The following MINK1 variants were observed in gnomAD, a reference collection of about 807,000 sequenced individuals.
MINK1 encodes the protein misshapen-like kinase 1.
Under a neutral mutation model 178.4 loss-of-function variants are expected in MINK1, and 46 were observed. That is an observed-to-expected ratio of 0.26 (90% CI 0.20 to 0.33). The LOEUF (loss-of-function observed/expected upper bound fraction) is 0.33, where lower values mean the gene tolerates loss of function less well. Ranked by LOEUF, MINK1 falls within the 10% of genes least tolerant of loss-of-function variation. MINK1 has a pLI of 1.00. For synonymous variants in MINK1, 797 were observed against 709.7 expected (o/e 1.12, Z -1.96); for missense variants, 1,366 against 1,814.9 (o/e 0.75, Z 4.49).
intron 1 of MINK1, among the ~76,000 whole-genome samples, chr17:4,856,511 C>A (rs532138240): frequency 6.6e-6 from 1 of 152,066 alleles, no homozygotes; most frequent in Admixed American, 6.5e-5. Context: ...CCTGGCAGCG[C>A]GGGCTGGAGA....
At position 4,833,554 on chromosome 17, in the gene MINK1, G is replaced by A; in HGVS notation, c.-30G>A. ...GGAGTAACCGAGCCGGAGCGTGAGCGGCCCCGGTGCCCCGTTCCCCACGGA... is the reference window on the plus strand; with the variant it reads ...GGAGTAACCGAGCCGGAGCGTGAGCAGCCCCGGTGCCCCGTTCCCCACGGA... On this transcript the variant is annotated 5_prime_UTR_variant, in exon 1 of 32. Coordinates refer to ENST00000355280, the MANE Select transcript of MINK1 (RefSeq NM_153827.5). This position sits in a 1 kb window ranked among gnomAD's most constrained non-coding sequence, Gnocchi z 4.8. 6.7e-7 allele frequency: 1 copy of A among 1,485,218 alleles called. No homozygotes were observed. The highest frequency in any genetic ancestry group is 8.9e-7 in the Non-Finnish European group (1 of 1,119,804). The allele number at this position is 1,485,218 out of a possible 1,614,324, so 92.0% of individuals were successfully genotyped here.
chr17:4,894,277 G>C lies in MINK1; in HGVS notation c.2774G>C (p.Gly925Ala). ...CACTCACCCACCGAGAACAGCAAAGGCCAAAGCCCACCCTCGAAGGATGGG... is the reference window on the plus strand; with the variant it reads ...CACTCACCCACCGAGAACAGCAAAGCCCAAAGCCCACCCTCGAAGGATGGG... ...PSHSPTENSKGQSPPSKDGSG... is the reference protein window; with the variant it reads ...PSHSPTENSKAQSPPSKDGSG... Residue 925 changes from glycine (G) to alanine (A), a missense_variant, in exon 23 of 32, where the codon GGC becomes GCC. Coordinates refer to ENST00000355280, the MANE Select transcript of MINK1 (RefSeq NM_153827.5). The surrounding 1 kb of genome is among the most constrained non-coding windows in gnomAD (Gnocchi z 4.1). 1.2e-6 allele frequency: 2 copies of C among 1,613,152 alleles called. No homozygotes were observed. Among genetic ancestry groups the C allele is most frequent in the Non-Finnish European group, 8.5e-7 (1 of 1,179,824 alleles).
At chr17:4,843,318 A>G (rs986658468) in intron 1 of MINK1, among the ~76,000 whole-genome samples, 2 of 152,034 alleles carry the variant, frequency 1.3e-5, no homozygotes, top group African/African-American at 4.8e-5. Context: ...CTCTACTAAA[A>G]ATACAAAAAA....
intron 1 of MINK1, chr17:4,859,094 C>T (rs887608685): frequency 9.2e-6 from 9 of 979,268 alleles, no homozygotes; most frequent in African/African-American, 7.0e-5. Context: ...CAGGACCTGC[C>T]GGGGCATATC....
chr17:4,881,315 C>T, intron 4 of MINK1, 58 bp downstream of exon 4: 7 of 1,506,168 alleles, frequency 4.6e-6, no homozygotes, highest in South Asian at 1.2e-5. Context: ...CCGGGCTGTT[C>T]ACTAGGACTC....
At chr17:4,865,719 C>A (rs1215033750) in intron 1 of MINK1, among the ~76,000 whole-genome samples, 35 of 101,584 alleles carry the variant, frequency 3.4e-4, no homozygotes, top group African/African-American at 1.1e-3. Context: ...CCGTCTCTAC[C>A]AAAAAAAAAA....
rs759612211 is a variant in MINK1, at chr17:4,886,329, G to A, written c.774-122G>A. On this transcript the variant is annotated intron_variant, in intron 9 of 31. Transcript: ENST00000355280. This position sits in a 1 kb window ranked among gnomAD's most constrained non-coding sequence, Gnocchi z 6.1. ...TCTGGGGGGCAGAGGGCGGTGACTG[G>A]TGTTGGGATATGAAGACAGGAGGGA... 70 of 1,494,164 alleles carry A rather than the reference G, an allele frequency of 4.7e-5. 1 individual carries two copies. The highest frequency in any genetic ancestry group is 3.6e-5 in the Non-Finnish European group (39 of 1,077,026). 92.6% of individuals were successfully genotyped at this position (1,494,164 alleles called of 1,614,324 possible).
intron 1 of MINK1, among the ~76,000 whole-genome samples, chr17:4,840,128 T>C (rs1210352626): frequency 6.6e-6 from 1 of 152,126 alleles, no homozygotes; most frequent in Non-Finnish European, 1.5e-5. Flanking sequence ...ACAAAACTTT[T>C]ATAAGACAAA....
chr17:4,896,870 C>A lies in MINK1; in HGVS notation c.3915+57C>A, dbSNP rs1230695809. Reference sequence around the variant, plus strand: ...TGTCCCGGCTGCCATGACCCTAGGCCCCTGGGCAGAGTTCTGGGGAGAGGA... The same window carrying A: ...TGTCCCGGCTGCCATGACCCTAGGCACCTGGGCAGAGTTCTGGGGAGAGGA... On this transcript the variant is annotated intron_variant, in intron 31 of 31. Coordinates refer to ENST00000355280, the MANE Select transcript of MINK1 (RefSeq NM_153827.5). This position sits in a 1 kb window ranked among gnomAD's most constrained non-coding sequence, Gnocchi z 4.6. 2.0e-6 allele frequency: 3 copies of A among 1,511,150 alleles called. No individual in the cohort carries two copies. In the African/African-American group the frequency reaches 4.2e-5, roughly 21 times the overall value. 93.6% of individuals were successfully genotyped at this position (1,511,150 alleles called of 1,614,324 possible). A position where few individuals can be genotyped will look rare whatever the true frequency, so the allele number is the denominator to read the frequency against.
chr17:4,887,914 TATATG>T lies in MINK1; in HGVS notation c.1230+127_1230+131del. The T allele has an allele frequency of 1.3e-6, 1 of 778,716 alleles. No homozygotes were observed. The highest frequency in any genetic ancestry group is 2.4e-5 in the South Asian group (1 of 42,484). 48.2% of individuals were successfully genotyped at this position (778,716 alleles called of 1,614,324 possible). A position where few individuals can be genotyped will look rare whatever the true frequency, so the allele number is the denominator to read the frequency against. ...TGAATGGCATTTCTGTTGAAACAAT[TATATG>T]ATTTCAAATTTCATGATGAGCTGGA... On this transcript the variant is annotated intron_variant, in intron 12 of 31. Coordinates refer to ENST00000355280, the MANE Select transcript of MINK1 (RefSeq NM_153827.5). This position sits in a 1 kb window ranked among gnomAD's most constrained non-coding sequence, Gnocchi z 7.6.
At chr17:4,862,100 G>A (rs1914258277) in intron 1 of MINK1, among the ~76,000 whole-genome samples, 1 of 152,064 alleles carries the variant, frequency 6.6e-6, no homozygotes. Context: ...TTGTGGAGAT[G>A]AGGCTTGGTC....
intron 1 of MINK1, among the ~76,000 whole-genome samples, chr17:4,845,780 A>C (rs1036108793): frequency 6.6e-6 from 1 of 152,106 alleles, no homozygotes; most frequent in Non-Finnish European, 1.5e-5. Context: ...AGCTGGGACT[A>C]CAGGCATGCG....
At chr17:4,838,491 C>G (rs1303774937) in intron 1 of MINK1, among the ~76,000 whole-genome samples, 1 of 152,162 alleles carries the variant, frequency 6.6e-6, no homozygotes, top group East Asian at 1.9e-4. Flanking sequence ...GGCCTCCATT[C>G]CTTTCCGCAT....
intron 21 of MINK1, 171 bp from the exon 22 acceptor site, chr17:4,893,817 T>A: frequency 1.2e-6 from 1 of 863,184 alleles, no homozygotes; most frequent in Non-Finnish European, 1.7e-6. Context: ...GCCTGCCCTG[T>A]GTGCCATGCA....
At chr17:4,865,104 C>T (rs1914738331) in intron 1 of MINK1, among the ~76,000 whole-genome samples, 1 of 150,720 alleles carries the variant, frequency 6.6e-6, no homozygotes, top group African/African-American at 2.5e-5. Context: ...ACTTTTTTAT[C>T]TTTTCTGTTT....
chr17:4,876,378 T>TG (rs547073905), intron 1 of MINK1, among the ~76,000 whole-genome samples: 327 of 152,320 alleles, frequency 2.1e-3, no homozygotes, highest in Middle Eastern at 3.4e-3. Context: ...CATGCTCTGA[T>TG]GGGGCAGGCA....
chr17:4,844,260 C>G (rs1910673520), intron 1 of MINK1, among the ~76,000 whole-genome samples: 1 of 152,272 alleles, frequency 6.6e-6, no homozygotes, highest in South Asian at 2.1e-4. Context: ...CTCGGCCTCC[C>G]AAAGTGCTGG....
chr17:4,892,490 C>A lies in MINK1; in HGVS notation c.2176C>A (p.Pro726Thr). 6.4e-7 allele frequency: 1 copy of A among 1,561,690 alleles called. No individual in the cohort carries two copies. The highest frequency in any genetic ancestry group is 8.7e-7 in the Non-Finnish European group (1 of 1,153,322). ...PKPPGPPAQPPGPPNASSNPD... is the reference protein window; with the variant it reads ...PKPPGPPAQPTGPPNASSNPD... ...GCCTCCAGGGCCCCCTGCTCAGCCC[C>A]CTGGCCCGCCCAACGCCTCTAGGTA... The change falls in exon 18 of 32, where the codon CCT becomes ACT. Residue 726 changes from proline (P) to threonine (T), a missense_variant. This residue lies in a region of MINK1 where 709 missense variants were observed against 692.3 expected (regional missense o/e 1.02). Coordinates refer to ENST00000355280, the MANE Select transcript of MINK1 (RefSeq NM_153827.5).
At chr17:4,877,240 G>A (rs1597495491) in intron 1 of MINK1, among the ~76,000 whole-genome samples, 2 of 152,000 alleles carry the variant, frequency 1.3e-5, no homozygotes, top group South Asian at 2.1e-4. Flanking sequence ...GTGGCCTCCC[G>A]ACCGCAGCTG....
Sources: gnomAD v4.1 joint callset for allele counts (sites outside exome capture counted in the v4.1 genomes callset) on GRCh38, gnomAD v4.1.1 for gene constraint, gnomAD v4.1.1 regional missense constraint, Gnocchi (gnomAD v3.1) non-coding constraint, MANE v1.5 for transcripts, NCBI Gene and HGNC (gene_info 2026-07-23, HGNC 2026-07-21) for gene names.